UNC5B: variants seen among roughly 807,000 people sequenced by gnomAD.
UNC5B encodes the protein unc-5 netrin receptor B.
UNC5B carries 56 observed loss-of-function variants against 103.7 expected under a neutral mutation model. The ratio of observed to expected loss-of-function variants is 0.54; its 90% CI spans 0.44 to 0.67. The LOEUF (loss-of-function observed/expected upper bound fraction) is 0.67. Among genes scored for constraint, UNC5B ranks in the 30% least tolerant of loss-of-function variants. UNC5B has a pLI of 0.00. For synonymous variants in UNC5B, 577 were observed against 542.0 expected (o/e 1.06, Z -0.90); for missense variants, 1,194 against 1,284.5 (o/e 0.93, Z 1.08).
At chr10:71,253,697 G>A (rs987075246) in intron 1 of UNC5B, among the ~76,000 whole-genome samples, 5 of 152,180 alleles carry the variant, frequency 3.3e-5, no homozygotes, top group African/African-American at 1.2e-4. Flanking sequence ...GGGCTGCCAA[G>A]GGGAGGAGGG....
chr10:71,227,506 TC>T (rs1194154533), intron 1 of UNC5B, among the ~76,000 whole-genome samples: 5 of 151,500 alleles, frequency 3.3e-5, no homozygotes, highest in African/African-American at 1.2e-4. Flanking sequence ...ATCTCAGAAA[TC>T]ACCACTAAAT....
At chr10:71,257,040 C>A (rs959713704) in intron 1 of UNC5B, among the ~76,000 whole-genome samples, 2 of 152,162 alleles carry the variant, frequency 1.3e-5, no homozygotes, top group African/African-American at 4.8e-5. Flanking sequence ...ACAGCCCCAA[C>A]AGCGGGGCCC....
At chr10:71,281,557 G>T (rs911655432) in intron 2 of UNC5B, among the ~76,000 whole-genome samples, 2 of 152,202 alleles carry the variant, frequency 1.3e-5, no homozygotes, top group African/African-American at 2.4e-5. Context: ...AGCCAGGATG[G>T]TCTCAATCTC....
Position 71,291,643 on chromosome 10 carries a change from G to A in UNC5B, c.1506G>A (p.Leu502=), listed in dbSNP as rs1321231764. The change falls in exon 10 of 17, where the codon CTG becomes CTA. Residue 502 remains leucine (L), a synonymous_variant. Transcript: ENST00000335350. ...SGPGLADGAD[L]LGVLPPGTYP... ...CAGGCCTGGCAGATGGGGCTGACCT[G>A]CTGGGGGTCTTGCCGCCTGGCACAT... is the stretch of plus-strand genomic sequence containing the variant. The A allele has an allele frequency of 6.2e-7, 1 of 1,613,906 alleles. No individual in the cohort carries two copies.
In UNC5B at chr10:71,279,824, C is replaced by G. The variant is rs1844870992; in HGVS notation, c.83C>G (p.Thr28Ser). 1.2e-6 allele frequency: 2 copies of G among 1,612,880 alleles called. No individual in the cohort carries two copies. The highest frequency in any genetic ancestry group is 2.2e-5 in the South Asian group (2 of 91,022). The stretch of plus-strand genomic sequence containing the variant: ...GAGGTCTCCACTCACTCTGCAGGCA[C>G]TGATTCTGGCAGCGAGGTGCTCCCT... ...CWDPRLSQAG[T>S]DSGSEVLPDS... Residue 28 changes from threonine to serine, a missense_variant, in exon 2 of 17, where the codon ACT (threonine) becomes AGT (serine). Thr to Ser is a moderately conservative substitution (Grantham distance 58). Transcript: ENST00000335350.
chr10:71,242,174 T>C (rs945512454), intron 1 of UNC5B, among the ~76,000 whole-genome samples: 1 of 152,190 alleles, frequency 6.6e-6, no homozygotes, highest in African/African-American at 2.4e-5. Flanking sequence ...GCCCTCCCTG[T>C]GACTCCCTTC....
At chr10:71,285,512 C>CCATGGCAGG (rs2132304155) in intron 4 of UNC5B, 83 bp downstream of exon 4, 1 of 1,247,342 alleles carries the variant, frequency 8.0e-7, no homozygotes, top group Admixed American at 2.4e-5. Context: ...TTACCACCAG[C>CCATGGCAGG]CATGGTGCTA....
At chr10:71,257,585 G>A (rs1005447525) in intron 1 of UNC5B, among the ~76,000 whole-genome samples, 3 of 152,200 alleles carry the variant, frequency 2.0e-5, no homozygotes, top group Admixed American at 2.0e-4. Flanking sequence ...CAGCATCTTC[G>A]AGGAGCGCCT....
In UNC5B at chr10:71,213,675, A is replaced by AATTATTT. The variant is rs1554858438; in HGVS notation, c.79+617_79+618insTATTATT. Among the ~76,000 whole-genome samples the AATTATTT allele has an allele frequency of 3.8e-5, 5 of 133,258 alleles. No homozygotes were observed. Among genetic ancestry groups the AATTATTT allele is most frequent in the African/African-American group, 1.4e-4 (5 of 34,590 alleles). 87.4% of individuals were successfully genotyped at this position (133,258 alleles called of 152,430 possible). On this transcript the variant is annotated intron_variant, in intron 1 of 16. Coordinates refer to ENST00000335350, the MANE Select transcript of UNC5B (RefSeq NM_170744.5). The surrounding 1 kb of genome is among the most constrained non-coding windows in gnomAD (Gnocchi z 4.1). ...ATCGCTGGGCCCGCAGGTCTGGAAG[A>AATTATTT]ATTATTATTATTATTATTATTATTA... is the stretch of plus-strand genomic sequence containing the variant.
At chr10:71,272,505 T>C (rs893565862) in intron 1 of UNC5B, among the ~76,000 whole-genome samples, 5 of 152,142 alleles carry the variant, frequency 3.3e-5, no homozygotes, top group East Asian at 3.8e-4. Flanking sequence ...CCGGCTGAGA[T>C]GGATAGCAGG....
intron 1 of UNC5B, among the ~76,000 whole-genome samples, chr10:71,250,921 A>G (rs1297171226): frequency 6.6e-6 from 1 of 152,228 alleles, no homozygotes; most frequent in Non-Finnish European, 1.5e-5. Context: ...AAGGAATTCT[A>G]GAGATCACTG....
chr10:71,229,119 A>C (rs1287583403), intron 1 of UNC5B, among the ~76,000 whole-genome samples: 1 of 152,106 alleles, frequency 6.6e-6, no homozygotes, highest in Admixed American at 6.5e-5. Flanking sequence ...TCCTCCACCA[A>C]CGTGATTGTT....
At chr10:71,275,065 C>A (rs910041566) in intron 1 of UNC5B, among the ~76,000 whole-genome samples, 1 of 152,216 alleles carries the variant, frequency 6.6e-6, no homozygotes, top group Non-Finnish European at 1.5e-5. Flanking sequence ...CAGTCCCCAG[C>A]TGGGATGCAA....
chr10:71,286,214 G>A (rs1271945087), intron 4 of UNC5B, among the ~76,000 whole-genome samples: 1 of 152,220 alleles, frequency 6.6e-6, no homozygotes, highest in Non-Finnish European at 1.5e-5. Flanking sequence ...GCTGGTGAGT[G>A]GCAGAGCTGG....
chr10:71,218,775 C>T (rs1417193822), intron 1 of UNC5B, among the ~76,000 whole-genome samples: 1 of 152,230 alleles, frequency 6.6e-6, no homozygotes, highest in East Asian at 1.9e-4. Context: ...TCAGCTTATG[C>T]TTCAGCCTGT....
At position 71,213,593 on chromosome 10, in the gene UNC5B, C is replaced by T. The variant is rs1428414569; in HGVS notation, c.79+529C>T. Among the ~76,000 whole-genome samples, 7 of 152,036 alleles carry T rather than the reference C, an allele frequency of 4.6e-5. No homozygotes were observed. The highest frequency in any genetic ancestry group is 1.0e-4 in the Non-Finnish European group (7 of 68,022). On this transcript the variant is annotated intron_variant, in intron 1 of 16. Coordinates refer to ENST00000335350, the MANE Select transcript of UNC5B (RefSeq NM_170744.5). The surrounding 1 kb of genome is among the most constrained non-coding windows in gnomAD (Gnocchi z 4.1). ...CGCTTCGGTAGCCTCGGCAGGCCGG[C>T]TTGCAGGGCTCCTGAAGCGGGGAGG...
chr10:71,293,311 C>A, intron 11 of UNC5B, 94 bp from the exon 12 acceptor site: 1 of 1,431,596 alleles, frequency 7.0e-7, no homozygotes, highest in Non-Finnish European at 9.4e-7. Context: ...TGCCCTCCAC[C>A]TCCCGGGCCC....
At chr10:71,254,509 G>A (rs1042352425) in intron 1 of UNC5B, among the ~76,000 whole-genome samples, 3 of 152,246 alleles carry the variant, frequency 2.0e-5, no homozygotes, top group African/African-American at 7.2e-5. Flanking sequence ...TTTCTCACGA[G>A]TCCTGGGAAG....
chr10:71,293,920 C>T lies in UNC5B; in HGVS notation c.2162C>T (p.Pro721Leu). The T allele has an allele frequency of 6.2e-7, 1 of 1,600,044 alleles. No homozygotes were observed. The highest frequency in any genetic ancestry group is 1.1e-5 in the South Asian group (1 of 90,590). ...SLRVYCLEDT[P>L]VALKEVLELE... ...CGGGTCTACTGCCTGGAGGACACGC[C>T]TGTAGCACTGAAGGTAGGGCCAGCT... The change falls in exon 13 of 17, where the codon CCT becomes CTT. Residue 721 changes from proline to leucine, a missense_variant. Coordinates refer to ENST00000335350, the MANE Select transcript of UNC5B (RefSeq NM_170744.5).
Sources: gnomAD v4.1 joint callset for allele counts (sites outside exome capture counted in the v4.1 genomes callset) on GRCh38, gnomAD v4.1.1 for gene constraint, Gnocchi (gnomAD v3.1) non-coding constraint, MANE v1.5 for transcripts, NCBI Gene and HGNC (gene_info 2026-07-23, HGNC 2026-07-21) for gene names.